The following CENPI variants were observed in gnomAD, a reference collection of about 807,000 sequenced individuals.
CENPI encodes FSH primary response 1.
In CENPI, 4 loss-of-function variants were observed where a neutral mutation model predicts 60.4. The observed-to-expected ratio is 0.07, with a 90% CI of 0.03 to 0.15. The LOEUF is 0.15. Among genes scored for constraint, CENPI ranks in the 10% least tolerant of loss-of-function variants. CENPI has a pLI of 1.00. For missense variants in CENPI, 444 were observed against 534.5 expected, an observed-to-expected ratio of 0.83 and a Z score of 1.67; for synonymous variants, 157 against 189.4, an observed-to-expected ratio of 0.83 and a Z score of 1.40.
chrX:101,146,390 A>G (rs777889545), intron 18 of CENPI, 113 bp downstream of exon 18: 2 of 786,568 alleles, frequency 2.5e-6, no homozygotes, highest in African/African-American at 2.1e-5. Flanking sequence ...CTCTGGAAAT[A>G]GGAAATGTGG....
Position 101,109,959 on chromosome X carries a change from C to T in CENPI, c.552C>T (p.Leu184=). 5.0e-6 allele frequency: 6 copies of T among 1,203,623 alleles called. No individual in the cohort carries two copies. Among genetic ancestry groups the T allele is most frequent in the Non-Finnish European group, 5.6e-6 (5 of 889,546 alleles). Residue 184 remains leucine (L), a synonymous_variant, in exon 6 of 22, where the codon CTC becomes CTT. Coordinates refer to ENST00000682095, the MANE Select transcript of CENPI (RefSeq NM_001386188.2). ...FIDRKEQINL[L]YGFFFASLQD... ...ATCGTAAGGAGCAAATTAACTTGCT[C>T]TATGGCTTCTTTTTTGCTTCATTGC... is the stretch of plus-strand genomic sequence containing the variant.
At chrX:101,141,049 C>A (rs1275271684) in intron 16 of CENPI, 1 of 169,664 alleles carries the variant, frequency 5.9e-6, no homozygotes, top group Non-Finnish European at 1.1e-5. Context: ...GCAACTTTGA[C>A]TTCCATTCAG....
At chrX:101,148,580 T>A (rs1232053194) in intron 20 of CENPI, among the ~76,000 whole-genome samples, 2 of 111,700 alleles carry the variant, frequency 1.8e-5, no homozygotes, top group South Asian at 3.7e-4. Flanking sequence ...ACAATTAGAG[T>A]CTTAGTCAAA....
intron 20 of CENPI, among the ~76,000 whole-genome samples, chrX:101,153,766 A>T (rs1018358832): frequency 8.9e-6 from 1 of 111,802 alleles, no homozygotes; most frequent in African/African-American, 3.2e-5. Flanking sequence ...TTTAATTTTG[A>T]TGAAATGAAA....
chrX:101,102,696 T>TTGAGATGGAG (rs1261106822), intron 4 of CENPI, among the ~76,000 whole-genome samples: 1 of 107,025 alleles, frequency 9.3e-6, no homozygotes, highest in East Asian at 3.0e-4. Context: ...GTTTTTTGTT[T>TTGAGATGGAG]TGAGATGGAG....
At chrX:101,144,816 C>T (rs1401713350) in intron 16 of CENPI, among the ~76,000 whole-genome samples, 3 of 111,266 alleles carry the variant, frequency 2.7e-5, no homozygotes, top group African/African-American at 9.8e-5. Flanking sequence ...TACTTTATTT[C>T]TCTGGTATTT....
chrX:101,178,398 C>CTTT, the CENPI span, among the ~76,000 whole-genome samples: 188 of 39,957 alleles, frequency 4.7e-3, 1 homozygote, highest in Non-Finnish European at 6.6e-3. Context: ...TTTTCTTCTT[C>CTTT]TTTTTTTTTT....
At chrX:101,135,479 T>C (rs1042680812) in intron 15 of CENPI, among the ~76,000 whole-genome samples, 1 of 111,796 alleles carries the variant, frequency 8.9e-6, no homozygotes, top group East Asian at 2.8e-4. Flanking sequence ...GAATAATGGT[T>C]TGGAAATAGG....
Position 101,098,365 on chromosome X carries a change from G to T in CENPI, c.-109-79G>T, listed in dbSNP as rs953256462. On this transcript the variant is annotated intron_variant, in intron 1 of 21. Coordinates refer to ENST00000682095, the MANE Select transcript of CENPI (RefSeq NM_001386188.2). ...GGTCGGGTTTTCCGTAGCCAGTTTC[G>T]CACCAGGGATCCTTGGGAAGCGCTG... 25 of 111,528 alleles carry T rather than the reference G, an allele frequency of 2.2e-4. 1 individual carries two copies. Among genetic ancestry groups the T allele is most frequent in the African/African-American group, 8.2e-4 (25 of 30,635 alleles). 9.2% of individuals were successfully genotyped at this position (111,528 alleles called of 1,213,427 possible). A position where few individuals can be genotyped will look rare whatever the true frequency, so the allele number is the denominator to read the frequency against.
intron 13 of CENPI, among the ~76,000 whole-genome samples, chrX:101,131,539 G>A (rs2089796053): frequency 8.9e-6 from 1 of 111,756 alleles, no homozygotes; most frequent in African/African-American, 3.2e-5. Context: ...AAAATAATGA[G>A]TCTAGAGCTC....
intron 20 of CENPI, among the ~76,000 whole-genome samples, chrX:101,152,340 G>C (rs1260048806): frequency 9.0e-6 from 1 of 110,992 alleles, no homozygotes; most frequent in Non-Finnish European, 1.9e-5. Context: ...TGGGATTACA[G>C]GCGTGACCCA....
chrX:101,143,031 CTG>C (rs1473488419), intron 16 of CENPI, among the ~76,000 whole-genome samples: 1 of 99,453 alleles, frequency 1.0e-5, no homozygotes, highest in Admixed American at 1.2e-4. Context: ...GATTGCGCCA[CTG>C]TACTCCAGCC....
chrX:101,141,665 A>G (rs2089916169), intron 16 of CENPI, among the ~76,000 whole-genome samples: 1 of 111,256 alleles, frequency 9.0e-6, no homozygotes, highest in Non-Finnish European at 1.9e-5. Flanking sequence ...TTATAAAGAA[A>G]TTCCACTTAA....
Position 101,109,513 on chromosome X carries a change from A to T in CENPI, c.405A>T (p.Pro135=), listed in dbSNP as rs750030912. 1.7e-6 allele frequency: 2 copies of T among 1,209,297 alleles called. No homozygotes were observed. Among genetic ancestry groups the T allele is most frequent in the African/African-American group, 3.5e-5 (2 of 57,444 alleles). ...VNTRILKCMI[P]ATVISEDSVV... is the part of the protein sequence containing the mutation. The stretch of plus-strand genomic sequence containing the variant: ...CACGGATATTGAAGTGCATGATCCC[A>T]GCAACAGTAATATCAGAAGATTCTG... Residue 135 remains proline, a synonymous_variant, in exon 5 of 22, where the codon CCA becomes CCT. Transcript: ENST00000682095.
intron 8 of CENPI, among the ~76,000 whole-genome samples, chrX:101,126,430 C>A (rs1401743951): frequency 9.0e-6 from 1 of 111,407 alleles, no homozygotes; most frequent in Non-Finnish European, 1.9e-5. Flanking sequence ...GTAAGTATGA[C>A]TGGTCAGCCT....
chrX:101,158,312 T>C (rs2090073143), intron 20 of CENPI, among the ~76,000 whole-genome samples: 1 of 101,472 alleles, frequency 9.9e-6, no homozygotes, highest in African/African-American at 3.7e-5. Context: ...AGTTTTGCTC[T>C]TGTTGCCCAG....
chrX:101,150,368 A>AT lies in CENPI; in HGVS notation c.2094+2219dup, dbSNP rs58825020. ...TTCATGTTTTACAGATTGCCTTATT[A>AT]TTTTTTTTTTTTAAGACAAGTTGTC... On this transcript the variant is annotated intron_variant, in intron 20 of 21. Coordinates refer to ENST00000682095, the MANE Select transcript of CENPI (RefSeq NM_001386188.2). 3.6e-3 allele frequency among the ~76,000 whole-genome samples: 367 copies of AT among 102,075 alleles called. 1 individual carries two copies. Among genetic ancestry groups the AT allele is most frequent in the South Asian group, 4.8e-3 (11 of 2,311 alleles). 88.6% of individuals were successfully genotyped at this position (102,075 alleles called of 115,157 possible).
intron 20 of CENPI, among the ~76,000 whole-genome samples, chrX:101,158,254 T>C (rs1226187448): frequency 1.8e-5 from 2 of 108,181 alleles, no homozygotes; most frequent in Non-Finnish European, 3.8e-5. Context: ...AATCTGTAAA[T>C]TGCTTTGGGC....
chrX:101,119,385 AT>A (rs1209466949), intron 6 of CENPI, among the ~76,000 whole-genome samples: 1 of 111,405 alleles, frequency 9.0e-6, no homozygotes, highest in African/African-American at 3.3e-5. Context: ...ACTATTAAAT[AT>A]TTTTTCACTT....
Sources: gnomAD v4.1 joint callset for allele counts (sites outside exome capture counted in the v4.1 genomes callset) on GRCh38, gnomAD v4.1.1 for gene constraint, MANE v1.5 for transcripts, NCBI Gene and HGNC (gene_info 2026-07-23, HGNC 2026-07-21) for gene names.